Variants in DPP10 observed in about 807,000 individuals in gnomAD.
DPP10 encodes inactive dipeptidyl peptidase 10.
DPP10 carries 33 observed loss-of-function variants against 120.9 expected under a neutral mutation model. That is an observed-to-expected ratio of 0.27 (90% CI 0.21 to 0.37). The LOEUF is 0.37. Ranked by LOEUF, DPP10 falls within the 10% of genes least tolerant of loss-of-function variation. The pLI, the probability that DPP10 is intolerant of heterozygous loss-of-function variation, is 1.00. For synonymous variants in DPP10, 337 were observed against 326.1 expected (o/e 1.03, Z -0.36); for missense variants, 816 against 942.8 (o/e 0.87, Z 1.76).
chr2:115,351,094 A>T (rs1294023090), intron 3 of DPP10, among the ~76,000 whole-genome samples: 2 of 152,108 alleles, frequency 1.3e-5, no homozygotes, highest in East Asian at 3.9e-4. Context: ...AGCACTATTC[A>T]TAATAGCAAA....
intron 1 of DPP10, among the ~76,000 whole-genome samples, chr2:114,647,748 C>G (rs1266176989): frequency 1.3e-5 from 2 of 150,248 alleles, no homozygotes; most frequent in African/African-American, 4.9e-5. Context: ...CCCATCGCAT[C>G]CTAGATTCAC....
chr2:115,639,745 A>G (rs901007683), intron 5 of DPP10, among the ~76,000 whole-genome samples: 25 of 152,256 alleles, frequency 1.6e-4, no homozygotes, highest in African/African-American at 4.8e-4. Context: ...AGGAACCGGA[A>G]TCTCTAGGGT....
chr2:115,077,703 T>C (rs931938148), intron 1 of DPP10, among the ~76,000 whole-genome samples: 4 of 152,220 alleles, frequency 2.6e-5, no homozygotes, highest in African/African-American at 7.2e-5. Context: ...TGCAGTGCAG[T>C]GTTCTGCCAA....
intron 1 of DPP10, among the ~76,000 whole-genome samples, chr2:115,166,649 A>G (rs2052899032): frequency 7.0e-6 from 1 of 143,760 alleles, no homozygotes; most frequent in Non-Finnish European, 1.5e-5. Flanking sequence ...CTTCTAATAT[A>G]TCTATATATC....
chr2:115,418,132 A>G (rs747241803), intron 3 of DPP10, among the ~76,000 whole-genome samples: 7 of 152,188 alleles, frequency 4.6e-5, no homozygotes, highest in Non-Finnish European at 8.8e-5. Flanking sequence ...AGTTGAGAGC[A>G]TTTCTTGATA....
At chr2:115,061,403 A>C (rs572361533) in intron 1 of DPP10, among the ~76,000 whole-genome samples, 1 of 152,322 alleles carries the variant, frequency 6.6e-6, no homozygotes, top group East Asian at 1.9e-4. Context: ...GTGATGGAAA[A>C]GGGCTATCAA....
At chr2:115,709,076 C>T (rs1394965794) in intron 7 of DPP10, among the ~76,000 whole-genome samples, 2 of 152,076 alleles carry the variant, frequency 1.3e-5, no homozygotes, top group African/African-American at 2.4e-5. Flanking sequence ...CAAGCCTGAA[C>T]AAAACCAGGC....
chr2:115,426,604 C>T (rs1424773243), intron 3 of DPP10, among the ~76,000 whole-genome samples: 1 of 147,726 alleles, frequency 6.8e-6, no homozygotes, highest in Non-Finnish European at 1.5e-5. Context: ...CTGGAGATGA[C>T]ATTTCAACAT....
intron 1 of DPP10, among the ~76,000 whole-genome samples, chr2:114,913,254 G>A (rs1318416009): frequency 3.3e-5 from 5 of 152,166 alleles, no homozygotes; most frequent in African/African-American, 9.7e-5. Context: ...CTCGCCTGCA[G>A]CCTCCTCCTG....
intron 1 of DPP10, among the ~76,000 whole-genome samples, chr2:114,969,291 C>T (rs958272496): frequency 6.6e-6 from 1 of 152,110 alleles, no homozygotes; most frequent in Non-Finnish European, 1.5e-5. Flanking sequence ...GTATTAAAGG[C>T]ATATGAAATT....
At chr2:114,601,999 T>C (rs998579784) in intron 1 of DPP10, among the ~76,000 whole-genome samples, 1 of 151,962 alleles carries the variant, frequency 6.6e-6, no homozygotes, top group Non-Finnish European at 1.5e-5. Flanking sequence ...CAATAATACA[T>C]ACCTATGGAA....
At chr2:115,636,258 T>C (rs1423906956) in intron 5 of DPP10, among the ~76,000 whole-genome samples, 1 of 151,972 alleles carries the variant, frequency 6.6e-6, no homozygotes. Context: ...TATGTAATAA[T>C]GAATAATAGG....
At chr2:114,671,548 G>A (rs1025214593) in intron 1 of DPP10, among the ~76,000 whole-genome samples, 7 of 152,178 alleles carry the variant, frequency 4.6e-5, no homozygotes, top group East Asian at 3.9e-4. Flanking sequence ...CCAGCCTCAC[G>A]TATTCCTTTA....
chr2:115,339,156 T>C (rs963319134), intron 2 of DPP10, among the ~76,000 whole-genome samples: 1 of 152,114 alleles, frequency 6.6e-6, no homozygotes, highest in African/African-American at 2.4e-5. Context: ...GCGAATGACA[T>C]GAACAGATAT....
At chr2:115,033,104 A>C (rs1010281038) in intron 1 of DPP10, among the ~76,000 whole-genome samples, 2 of 152,034 alleles carry the variant, frequency 1.3e-5, no homozygotes, top group Admixed American at 6.6e-5. Flanking sequence ...CACGAGTTTT[A>C]TTTCACTTGA....
chr2:114,592,441 A>G (rs1573740948), intron 1 of DPP10, among the ~76,000 whole-genome samples: 2 of 152,200 alleles, frequency 1.3e-5, no homozygotes, highest in South Asian at 4.1e-4. Context: ...ATGGAATGAA[A>G]GTCAAAAAAA....
At chr2:115,395,277 C>T (rs944649692) in intron 3 of DPP10, among the ~76,000 whole-genome samples, 6 of 152,156 alleles carry the variant, frequency 3.9e-5, no homozygotes, top group South Asian at 4.1e-4. Context: ...TCTCTTTTTA[C>T]GTGTATAAAT....
intron 2 of DPP10, among the ~76,000 whole-genome samples, chr2:115,330,088 C>T (rs2062620709): frequency 6.6e-6 from 1 of 152,076 alleles, no homozygotes; most frequent in Non-Finnish European, 1.5e-5. Flanking sequence ...TCCACATCCT[C>T]TCCAGCACCT....
rs545472531 is a variant in DPP10, at chr2:115,255,617, C to T, written c.61-53622C>T. On this transcript the variant is annotated intron_variant, in intron 1 of 25. Transcript: ENST00000410059. Reference sequence around the variant, plus strand: ...CTCTGCTTCCTCTTTAATTATTTGACGCTTAGAATTGTCTTCTACCAGATA... The same window carrying T: ...CTCTGCTTCCTCTTTAATTATTTGATGCTTAGAATTGTCTTCTACCAGATA... Among the ~76,000 whole-genome samples the T allele has an allele frequency of 5.3e-5, 8 of 152,210 alleles. No homozygotes were observed. The South Asian group carries it at 6.2e-4, about 12-fold the overall frequency.
Sources: gnomAD v4.1 joint callset for allele counts (sites outside exome capture counted in the v4.1 genomes callset) on GRCh38, gnomAD v4.1.1 for gene constraint, MANE v1.5 for transcripts, NCBI Gene and HGNC (gene_info 2026-07-23, HGNC 2026-07-21) for gene names.